The following RGS14 variants were observed in gnomAD, a reference collection of about 807,000 sequenced individuals.
RGS14 encodes the protein regulator of G protein signaling 14, also known as regulator of G-protein signaling 14.
RGS14 carries 33 observed loss-of-function variants against 63.8 expected under a neutral mutation model. The ratio of observed to expected loss-of-function variants is 0.52; its 90% CI spans 0.39 to 0.69. RGS14 has a LOEUF of 0.69. RGS14 is among the 30% of genes least tolerant of loss of function. The probability of loss-of-function intolerance (pLI) is 0.00; values close to 1 mark genes in which losing one functional copy is unlikely to be tolerated. For missense variants in RGS14, 739 were observed against 742.9 expected (o/e 0.99, Z 0.06); for synonymous variants, 296 against 320.9 (o/e 0.92, Z 0.83).
intron 5 of RGS14, 67 bp from the exon 6 acceptor site, chr5:177,367,347 C>T: frequency 1.3e-6 from 2 of 1,514,344 alleles, no homozygotes; most frequent in Non-Finnish European, 1.8e-6. Context: ...AAGGACCCGG[C>T]CTGGGTGCAG....
rs529779413 is a variant in RGS14, at chr5:177,364,293, G to A, written c.46-1670G>A. Reference sequence around the variant, plus strand: ...ACAGGGCATGGTGAAAGTGTAGGAGGTAAGCGGGAAGTAGGAACTGGGGAT... The same window carrying A: ...ACAGGGCATGGTGAAAGTGTAGGAGATAAGCGGGAAGTAGGAACTGGGGAT... On this transcript the variant is annotated intron_variant, in intron 1 of 14. Transcript: ENST00000408923. The surrounding 1 kb of genome is among the most constrained non-coding windows in gnomAD (Gnocchi z 4.6). Among the ~76,000 whole-genome samples, 1 of 152,308 alleles carries A rather than the reference G, an allele frequency of 6.6e-6. No homozygotes were observed. Among genetic ancestry groups the A allele is most frequent in the African/African-American group, 2.4e-5 (1 of 41,556 alleles).
At position 177,372,121 on chromosome 5, in the gene RGS14, G is replaced by A. The variant is rs769601674; in HGVS notation, c.*46G>A. On this transcript the variant is annotated 3_prime_UTR_variant, in exon 15 of 15. Coordinates refer to ENST00000408923, the MANE Select transcript of RGS14 (RefSeq NM_006480.5). ...ACAGCTGCATGGCACCCGGCGGGCC[G>A]AGCATGCCATGGGTCCGCTCTGCAT... 2.0e-5 allele frequency: 32 copies of A among 1,563,494 alleles called. No individual in the cohort carries two copies. In the East Asian group the frequency reaches 4.3e-4, roughly 21 times the overall value.
Position 177,367,480 on chromosome 5 carries a change from CT to C in RGS14, c.551del (p.Leu184ArgfsTer2). ...CAAGTCCCCGCTGTACCGCGAGTGC[CT>C]GCTAGCCGAAGCCGAGGGACGCCCT... ...FVKSPLYREC[L>X]LAEAEGRPLR... On this transcript the variant is annotated frameshift_variant, in exon 6 of 15. Transcript: ENST00000408923. LOFTEE classifies it high-confidence loss of function. The C allele has an allele frequency of 6.2e-7, 1 of 1,612,886 alleles. No individual in the cohort carries two copies. The highest frequency in any genetic ancestry group is 8.5e-7 in the Non-Finnish European group (1 of 1,179,512).
chr5:177,365,792 G>C (rs1762076776), intron 1 of RGS14, among the ~76,000 whole-genome samples, 171 bp from the exon 2 acceptor site: 1 of 152,202 alleles, frequency 6.6e-6, no homozygotes, highest in South Asian at 2.1e-4. Context: ...GTTGGCACAG[G>C]ATGGAAGGGG....
At position 177,371,040 on chromosome 5, in the gene RGS14, C is replaced by G. The variant is rs1363773632; in HGVS notation, c.1254+9C>G. The G allele has an allele frequency of 1.4e-6, 2 of 1,431,316 alleles. No homozygotes were observed. The allele number at this position is 1,431,316 out of a possible 1,614,324, so 88.7% of individuals were successfully genotyped here. On this transcript the variant is annotated intron_variant, in intron 11 of 14. Transcript: ENST00000408923. This position sits in a 1 kb window ranked among gnomAD's most constrained non-coding sequence, Gnocchi z 6.1. ...AGGTGGTGCTGCACCGGGTGAGCTT[C>G]CGGGCCGCGGGGCGGGGCGGGGCGG... is the stretch of plus-strand genomic sequence containing the variant.
Position 177,367,733 on chromosome 5 carries a change from G to A in RGS14, c.647G>A (p.Gly216Glu). Reference sequence around the variant, plus strand: ...CCACAGAAGCCGAAGCTGAAGCCCGGGAAGTCGCTGCCGCTGGGTGTGGAG... The same window carrying A: ...CCACAGAAGCCGAAGCTGAAGCCCGAGAAGTCGCTGCCGCTGGGTGTGGAG... ...ATRKKPKLKP[G>E]KSLPLGVEEL... Residue 216 changes from glycine to glutamate, a missense_variant, in exon 7 of 15, where the codon GGG (glycine) becomes GAG (glutamate). By Grantham distance (98) the Gly-to-Glu change is moderately conservative. Transcript: ENST00000408923. 6.2e-7 allele frequency: 1 copy of A among 1,613,196 alleles called. No homozygotes were observed. Among genetic ancestry groups the A allele is most frequent in the Non-Finnish European group, 8.5e-7 (1 of 1,179,762 alleles).
chr5:177,367,871 T>A (rs2127333308), intron 7 of RGS14, 46 bp downstream of exon 7: 1 of 1,498,478 alleles, frequency 6.7e-7, no homozygotes, highest in Non-Finnish European at 8.9e-7. Context: ...GGCGGGAGTT[T>A]GGTTAAATTT....
intron 1 of RGS14, among the ~76,000 whole-genome samples, chr5:177,363,012 G>T (rs1251607820): frequency 6.6e-6 from 1 of 152,176 alleles, no homozygotes; most frequent in South Asian, 2.1e-4. Flanking sequence ...CCCAGCGGAG[G>T]GGGGCGAGTC....
chr5:177,368,396 C>A (rs749477386), intron 8 of RGS14, 130 bp downstream of exon 8: 76 of 928,752 alleles, frequency 8.2e-5, no homozygotes, highest in Non-Finnish European at 9.3e-5. Flanking sequence ...CGTAGCCAAC[C>A]CTTCAGCCTC....
At chr5:177,365,886 C>G (rs576192477) in intron 1 of RGS14, 77 bp from the exon 2 acceptor site, 5 of 1,479,796 alleles carry the variant, frequency 3.4e-6, no homozygotes, top group African/African-American at 1.4e-5. Context: ...GTTCCAGCTC[C>G]TGGGAGTCGG....
Position 177,358,134 on chromosome 5 carries a change from A to G in RGS14, c.45+65A>G. 2 of 1,241,788 alleles carry G rather than the reference A, an allele frequency of 1.6e-6. No homozygotes were observed. The highest frequency in any genetic ancestry group is 2.1e-6 in the Non-Finnish European group (2 of 971,616). The allele number at this position is 1,241,788 out of a possible 1,614,324, so 76.9% of individuals were successfully genotyped here. ...GGGCACACCCAGGGTGGAGCCCAGG[A>G]GGCACACCCGGCAGGGCCAGGCAAG... is the stretch of plus-strand genomic sequence containing the variant. On this transcript the variant is annotated intron_variant, in intron 1 of 14. Transcript: ENST00000408923. The surrounding 1 kb of genome is among the most constrained non-coding windows in gnomAD (Gnocchi z 4.8).
chr5:177,366,488 C>T (rs1261582733), intron 3 of RGS14, 133 bp downstream of exon 3: 3 of 895,266 alleles, frequency 3.4e-6, no homozygotes, highest in South Asian at 1.8e-5. Flanking sequence ...TCTTCCTCTT[C>T]TCCCAGCTGG....
At chr5:177,368,693 T>A (rs749965538) in intron 8 of RGS14, 24 bp from the exon 9 acceptor site, 2 of 1,611,766 alleles carry the variant, frequency 1.2e-6, no homozygotes, top group East Asian at 4.5e-5. Flanking sequence ...ACACATAATC[T>A]CCCCCACTCC....
chr5:177,368,396 C>T (rs749477386), intron 8 of RGS14, 130 bp downstream of exon 8: 45 of 928,754 alleles, frequency 4.8e-5, no homozygotes, highest in Non-Finnish European at 6.7e-5. Context: ...CGTAGCCAAC[C>T]CTTCAGCCTC....
rs1047835688 is a variant in RGS14, at chr5:177,368,252, A to G, written c.835A>G (p.Ser279Gly). The G allele has an allele frequency of 6.2e-7, 1 of 1,612,834 alleles. No homozygotes were observed. Among genetic ancestry groups the G allele is most frequent in the Non-Finnish European group, 8.5e-7 (1 of 1,179,082 alleles). Residue 279 changes from serine (S) to glycine (G), a missense_variant, in exon 8 of 15, where the codon AGC (serine) becomes GGC (glycine). Physicochemically the swap from Ser to Gly is moderately conservative, Grantham distance 56. Coordinates refer to ENST00000408923, the MANE Select transcript of RGS14 (RefSeq NM_006480.5). ...GGACCTTGGCTTCCTAGCCTTCGTC[A>G]GCAGCAAATCTGAGGTGAGCCGACT... Reference protein sequence around the residue: ...SLDLGFLAFVSSKSESHRKSL... With the variant: ...SLDLGFLAFVGSKSESHRKSL...
chr5:177,368,312 C>A, intron 8 of RGS14, 46 bp downstream of exon 8: 1 of 1,556,364 alleles, frequency 6.4e-7, no homozygotes, highest in South Asian at 1.2e-5. Flanking sequence ...GGGCTAGAGT[C>A]ACTACTCAGG....
At chr5:177,368,101 G>A (rs1439974328) in intron 7 of RGS14, 56 bp from the exon 8 acceptor site, 7 of 1,582,080 alleles carry the variant, frequency 4.4e-6, no homozygotes, top group Non-Finnish European at 6.0e-6. Context: ...ACAGGCTTCC[G>A]CAGAGGATGG....
At chr5:177,369,074 C>G in intron 9 of RGS14, 154 bp downstream of exon 9, 1 of 685,024 alleles carries the variant, frequency 1.5e-6, no homozygotes, top group East Asian at 2.7e-5. Flanking sequence ...ACTCAGACAT[C>G]CACCCACCCC....
chr5:177,367,449 C>T lies in RGS14; in HGVS notation c.519C>T (p.Arg173=). Residue 173 remains arginine, a synonymous_variant, in exon 6 of 15, where the codon CGC becomes CGT. Coordinates refer to ENST00000408923, the MANE Select transcript of RGS14 (RefSeq NM_006480.5). ...TGATGAAGTTCGACAGCTATGCGCGCTTCGTCAAGTCCCCGCTGTACCGCG... is the reference window on the plus strand; with the variant it reads ...TGATGAAGTTCGACAGCTATGCGCGTTTCGTCAAGTCCCCGCTGTACCGCG... ...FNLMKFDSYA[R]FVKSPLYREC... The T allele has an allele frequency of 6.2e-7, 1 of 1,611,844 alleles. No homozygotes were observed. The highest frequency in any genetic ancestry group is 8.5e-7 in the Non-Finnish European group (1 of 1,179,042).
Sources: allele counts gnomAD v4.1 joint callset (sites outside exome capture counted in the v4.1 genomes callset), GRCh38; gene constraint gnomAD v4.1.1; non-coding constraint Gnocchi (gnomAD v3.1); transcripts MANE v1.5; gene names NCBI Gene and HGNC (gene_info 2026-07-23, HGNC 2026-07-21).